ANP32E: variants seen among roughly 807,000 people sequenced by gnomAD.
ANP32E encodes acidic leucine-rich nuclear phosphoprotein 32 family member E.
In ANP32E, 14 loss-of-function variants were observed where a neutral mutation model predicts 35.3. The observed-to-expected ratio is 0.40, with a 90% confidence interval of 0.26 to 0.62. ANP32E has a LOEUF of 0.62. Ranked by LOEUF, ANP32E falls within the 20% of genes least tolerant of loss-of-function variation. The pLI, the probability that ANP32E is intolerant of heterozygous loss-of-function variation, is 0.45. For missense variants in ANP32E, 198 were observed against 304.4 expected (o/e 0.65, Z 2.60); for synonymous variants, 89 against 110.4 (o/e 0.81, Z 1.22).
chr1:150,230,475 A>C, intron 3 of ANP32E, 96 bp downstream of exon 3: 1 of 1,254,806 alleles, frequency 8.0e-7, no homozygotes, highest in Non-Finnish European at 1.1e-6. Context: ...AAAAATTCTT[A>C]AGTTTTAAGA....
At chr1:150,227,549 G>A (rs1357674725) in intron 4 of ANP32E, among the ~76,000 whole-genome samples, 14 of 151,518 alleles carry the variant, frequency 9.2e-5, no homozygotes, top group African/African-American at 2.9e-4. Context: ...TTAAACACTG[G>A]GGACACAGGG....
chr1:150,234,774 C>A, intron 1 of ANP32E: 1 of 648,754 alleles, frequency 1.5e-6, no homozygotes, highest in Non-Finnish European at 1.9e-6. Context: ...TAGGTGAGGC[C>A]GAGAAGGCAA....
chr1:150,229,300 T>TTC (rs1272423068), intron 3 of ANP32E, 63 bp from the exon 4 acceptor site: 6 of 764,166 alleles, frequency 7.9e-6, no homozygotes, highest in Admixed American at 4.0e-5. Context: ...TCTTTTTTCT[T>TTC]TTTTTTTTTT....
intron 1 of ANP32E, among the ~76,000 whole-genome samples, chr1:150,234,264 C>A (rs1191111184): frequency 2.0e-5 from 3 of 149,814 alleles, no homozygotes; most frequent in African/African-American, 7.4e-5. Flanking sequence ...TAAACGTGTG[C>A]TTGTGAGAGA....
chr1:150,230,615 G>C lies in ANP32E; in HGVS notation c.283C>G (p.Leu95Val). The change falls in exon 3 of 7, where the codon CTG becomes GTG. Residue 95 changes from leucine to valine, a missense_variant. Physicochemically the swap from Leu to Val is conservative, Grantham distance 32. This residue lies in a region of ANP32E where 31 missense variants were observed against 62.6 expected (regional missense o/e 0.50). Transcript: ENST00000583931. ...EKCPNLTYLN[L>V]SGNKIKDLST... ...AGATCTTTTATTTTGTTTCCACTCA[G>C]ATTGAGGTAGGTAAGATTTGGACAT... 1 of 1,613,488 alleles carries C rather than the reference G, an allele frequency of 6.2e-7. No individual in the cohort carries two copies. Among genetic ancestry groups the C allele is most frequent in the Non-Finnish European group, 8.5e-7 (1 of 1,179,626 alleles).
Position 150,235,190 on chromosome 1 carries a change from C to A in ANP32E, c.54+543G>T, listed in dbSNP as rs587720406. On this transcript the variant is annotated intron_variant, in intron 1 of 6. Transcript: ENST00000583931. This position sits in a 1 kb window ranked among gnomAD's most constrained non-coding sequence, Gnocchi z 4.2. Reference sequence around the variant, plus strand: ...CGCGGCTTCCCGGAGGAGTGGGCGCCGCCGGAGCAGACAGTGCGCGGACCC... The same window carrying A: ...CGCGGCTTCCCGGAGGAGTGGGCGCAGCCGGAGCAGACAGTGCGCGGACCC... Among the ~76,000 whole-genome samples, 192 of 152,328 alleles carry A rather than the reference C, an allele frequency of 1.3e-3. No individual in the cohort carries two copies. The highest frequency in any genetic ancestry group is 4.6e-3 in the African/African-American group (190 of 41,572).
intron 6 of ANP32E, among the ~76,000 whole-genome samples, chr1:150,221,354 G>A (rs1174725446): frequency 6.7e-6 from 1 of 149,370 alleles, no homozygotes; most frequent in Non-Finnish European, 1.5e-5. Flanking sequence ...CAGGAGAATT[G>A]TTTGAACCCA....
intron 2 of ANP32E, among the ~76,000 whole-genome samples, chr1:150,231,254 T>C: frequency 6.6e-6 from 1 of 152,220 alleles, no homozygotes; most frequent in Non-Finnish European, 1.5e-5. Flanking sequence ...AAATATTTGG[T>C]ATATATTAAA....
chr1:150,223,873 T>G (rs1429795191), intron 5 of ANP32E, among the ~76,000 whole-genome samples: 4 of 151,622 alleles, frequency 2.6e-5, no homozygotes, highest in African/African-American at 9.7e-5. Flanking sequence ...GGCCTCCCGA[T>G]TAGCTGGGAT....
chr1:150,220,790 T>C, intron 6 of ANP32E, 29 bp from the exon 7 acceptor site: 1 of 1,584,144 alleles, frequency 6.3e-7, no homozygotes, highest in South Asian at 1.1e-5. Flanking sequence ...AAATGCAAAG[T>C]GCTTAATTTT....
rs782678317 is a variant in ANP32E, at chr1:150,231,518, C to T, written c.204+259G>A. On this transcript the variant is annotated intron_variant, in intron 2 of 6. Transcript: ENST00000583931. ...GCTGAGGTGGGAGGATGCTTGAGCT[C>T]GGGAGGCAGAGGTTGCAATGAGCCA... Among the ~76,000 whole-genome samples, 18 of 53,504 alleles carry T rather than the reference C, an allele frequency of 3.4e-4. 1 individual carries two copies. Among genetic ancestry groups the T allele is most frequent in the African/African-American group, 3.2e-3 (16 of 5,066 alleles). The allele number at this position is 53,504 out of a possible 152,430, so 35.1% of individuals were successfully genotyped here.
At chr1:150,220,900 T>G in intron 6 of ANP32E, 139 bp from the exon 7 acceptor site, 1 of 662,110 alleles carries the variant, frequency 1.5e-6, no homozygotes, top group South Asian at 1.6e-5. Context: ...TTTGGGAGGC[T>G]GAGGTGGATG....
chr1:150,219,470 C>T lies in ANP32E; in HGVS notation c.*1221G>A, dbSNP rs1553836877. Reference sequence around the variant, plus strand: ...CTGCCTAGTATATTCCAATTAAATGCTATTATTATATCTGTTTTAAAACTG... The same window carrying T: ...CTGCCTAGTATATTCCAATTAAATGTTATTATTATATCTGTTTTAAAACTG... On this transcript the variant is annotated 3_prime_UTR_variant, in exon 7 of 7. Coordinates refer to ENST00000583931, the MANE Select transcript of ANP32E (RefSeq NM_030920.5). The T allele has an allele frequency of 1.3e-5, 2 of 152,078 alleles. No homozygotes were observed. The highest frequency in any genetic ancestry group is 6.5e-5 in the Admixed American group (1 of 15,268). The allele number at this position is 152,078 out of a possible 1,614,324, so 9.4% of individuals were successfully genotyped here.
At chr1:150,226,480 G>T in intron 5 of ANP32E, 128 bp downstream of exon 5, 2 of 1,052,672 alleles carry the variant, frequency 1.9e-6, no homozygotes, top group Non-Finnish European at 2.7e-6. Context: ...AAAAAAGACA[G>T]GTGGATAGAC....
At position 150,229,086 on chromosome 1, in the gene ANP32E, T is replaced by A. The variant is rs587667046; in HGVS notation, c.479A>T (p.Glu160Val). The A allele has an allele frequency of 3.7e-6, 6 of 1,613,332 alleles. No homozygotes were observed. In the African/African-American group the frequency reaches 8.0e-5, roughly 22 times the overall value. The stretch of plus-strand genomic sequence containing the variant: ...AGAACGATTACCCTCATCATCCTCC[T>A]CTTCAGAGTCCGGCGCTTCATTATC... The part of the protein sequence containing the change: ...QEDNEAPDSE[E>V]EDDEDGDEDD... Residue 160 changes from glutamate to valine, a missense_variant, in exon 4 of 7, where the codon GAG (glutamate) becomes GTG (valine). Coordinates refer to ENST00000583931, the MANE Select transcript of ANP32E (RefSeq NM_030920.5).
intron 3 of ANP32E, among the ~76,000 whole-genome samples, chr1:150,230,316 A>C (rs1649254768): frequency 6.7e-6 from 1 of 149,834 alleles, no homozygotes; most frequent in Non-Finnish European, 1.5e-5. Flanking sequence ...GAATGAAAGA[A>C]GGTTAAAAAA....
Position 150,235,829 on chromosome 1 carries a change from C to T in ANP32E, c.-43G>A. On this transcript the variant is annotated 5_prime_UTR_variant, in exon 1 of 7. Transcript: ENST00000583931. The surrounding 1 kb of genome is among the most constrained non-coding windows in gnomAD (Gnocchi z 4.2). ...CAGCTACTACTCTCCTTTTCCCTTTCCTGCCTTCCCCAATACCCCCAACCC... is the reference window on the plus strand; with the variant it reads ...CAGCTACTACTCTCCTTTTCCCTTTTCTGCCTTCCCCAATACCCCCAACCC... 1 of 1,496,208 alleles carries T rather than the reference C, an allele frequency of 6.7e-7. No individual in the cohort carries two copies. The highest frequency in any genetic ancestry group is 1.2e-5 in the South Asian group (1 of 85,080). 92.7% of individuals were successfully genotyped at this position (1,496,208 alleles called of 1,614,324 possible).
chr1:150,223,185 CCCTCTTCTT>C lies in ANP32E; in HGVS notation c.728_736del (p.Glu245_Glu247del). 1 of 1,511,954 alleles carries C rather than the reference CCCTCTTCTT, an allele frequency of 6.6e-7. No individual in the cohort carries two copies. The highest frequency in any genetic ancestry group is 9.0e-7 in the Non-Finnish European group (1 of 1,111,046). The allele number at this position is 1,511,954 out of a possible 1,614,324, so 93.7% of individuals were successfully genotyped here. A position where few individuals can be genotyped will look rare whatever the true frequency, so the allele number is the denominator to read the frequency against. On this transcript the variant is annotated inframe_deletion and splice_region_variant, in exon 6 of 7. Coordinates refer to ENST00000583931, the MANE Select transcript of ANP32E (RefSeq NM_030920.5). ...ATTTGTTTATGGCTAATGTAACTCACCCTCTTCTTCCTCTTCTTCCCCTTCTTCAACATA... is the reference window on the plus strand; with the variant it reads ...ATTTGTTTATGGCTAATGTAACTCACCCTCTTCTTCCCCTTCTTCAACATA...
chr1:150,224,227 A>G (rs1648688419), intron 5 of ANP32E, among the ~76,000 whole-genome samples: 2 of 152,112 alleles, frequency 1.3e-5, no homozygotes, highest in Admixed American at 6.6e-5. Context: ...GAGAGACAAG[A>G]AAAAAAGGGG....
Sources: gnomAD v4.1 joint callset for allele counts (sites outside exome capture counted in the v4.1 genomes callset) on GRCh38, gnomAD v4.1.1 for gene constraint, gnomAD v4.1.1 regional missense constraint, Gnocchi (gnomAD v3.1) non-coding constraint, MANE v1.5 for transcripts, NCBI Gene and HGNC (gene_info 2026-07-23, HGNC 2026-07-21) for gene names.